JAKMIP2: variants seen among roughly 807,000 people sequenced by gnomAD.
JAKMIP2 encodes janus kinase and microtubule-interacting protein 2.
JAKMIP2 carries 25 observed loss-of-function variants against 115.0 expected under a neutral mutation model. The observed-to-expected ratio is 0.22, with a 90% CI of 0.16 to 0.30. JAKMIP2 has a LOEUF of 0.30. Among genes scored for constraint, JAKMIP2 ranks in the 10% least tolerant of loss-of-function variants. The pLI is 1.00. For missense variants in JAKMIP2, 642 were observed against 957.6 expected, an observed-to-expected ratio of 0.67 and a Z score of 4.35; for synonymous variants, 334 against 343.6, an observed-to-expected ratio of 0.97 and a Z score of 0.31.
At chr5:147,655,479 T>C (rs972653163) in intron 3 of JAKMIP2, among the ~76,000 whole-genome samples, 1 of 152,224 alleles carries the variant, frequency 6.6e-6, no homozygotes, top group Non-Finnish European at 1.5e-5. Context: ...TTTTCTAGTT[T>C]ATTTGTGTAG....
intron 1 of JAKMIP2, among the ~76,000 whole-genome samples, chr5:147,748,059 C>G (rs1276121881): frequency 6.6e-6 from 1 of 152,130 alleles, no homozygotes; most frequent in Non-Finnish European, 1.5e-5. Flanking sequence ...ATTCCGAGCA[C>G]TCTGCTAAAG....
intron 1 of JAKMIP2, among the ~76,000 whole-genome samples, chr5:147,680,198 A>C (rs1489400642): frequency 6.6e-6 from 1 of 152,210 alleles, no homozygotes; most frequent in Admixed American, 6.5e-5. Context: ...TGACCTAACT[A>C]TCCACTAAAC....
intron 1 of JAKMIP2, among the ~76,000 whole-genome samples, chr5:147,713,698 C>T (rs1752865386): frequency 6.6e-6 from 1 of 152,152 alleles, no homozygotes; most frequent in African/African-American, 2.4e-5. Flanking sequence ...ACATAGAGCA[C>T]TCAGGGACTT....
chr5:147,592,461 G>A (rs923477020), intron 21 of JAKMIP2, among the ~76,000 whole-genome samples: 4 of 152,148 alleles, frequency 2.6e-5, no homozygotes, highest in African/African-American at 4.8e-5. Flanking sequence ...AGGACTCCTA[G>A]CCCTGTTCCT....
intron 2 of JAKMIP2, chr5:147,662,056 T>C (rs1236945357): frequency 1.3e-5 from 2 of 151,600 alleles, no homozygotes; most frequent in Non-Finnish European, 1.5e-5. Flanking sequence ...TTTTTTTTTT[T>C]TGAAGAGATG....
At chr5:147,723,210 C>CA (rs553407093) in intron 1 of JAKMIP2, among the ~76,000 whole-genome samples, 6 of 152,002 alleles carry the variant, frequency 3.9e-5, no homozygotes, top group African/African-American at 7.2e-5. Flanking sequence ...TTATCAGATA[C>CA]AAAAAAATCT....
intron 1 of JAKMIP2, among the ~76,000 whole-genome samples, chr5:147,698,342 A>T (rs1173534410): frequency 6.6e-6 from 1 of 152,192 alleles, no homozygotes; most frequent in East Asian, 1.9e-4. Context: ...GCCTTGTCTC[A>T]GATGAGACTT....
At chr5:147,700,681 C>T (rs969808581) in intron 1 of JAKMIP2, among the ~76,000 whole-genome samples, 10 of 152,298 alleles carry the variant, frequency 6.6e-5, no homozygotes, top group African/African-American at 2.4e-4. Context: ...AGTCTAGATT[C>T]TCAGCCCCTA....
chr5:147,782,445 T>C lies in JAKMIP2; in HGVS notation c.-149+11A>G. The stretch of plus-strand genomic sequence containing the variant: ...TAAACCAAGAAGGGAGCCCTACTGT[T>C]TCCTACTCACCATGCTGAGACCCGG... On this transcript the variant is annotated intron_variant, in intron 1 of 21. Transcript: ENST00000616793. The C allele has an allele frequency of 6.5e-7, 1 of 1,535,918 alleles. No homozygotes were observed. Among genetic ancestry groups the C allele is most frequent in the Non-Finnish European group, 8.7e-7 (1 of 1,146,764 alleles).
At chr5:147,745,145 A>G (rs1417771514) in intron 1 of JAKMIP2, among the ~76,000 whole-genome samples, 2 of 151,994 alleles carry the variant, frequency 1.3e-5, no homozygotes, top group Non-Finnish European at 2.9e-5. Context: ...CTTGAACACT[A>G]GAACCTAAGG....
chr5:147,658,783 G>T (rs1274189791), intron 3 of JAKMIP2, among the ~76,000 whole-genome samples: 1 of 152,100 alleles, frequency 6.6e-6, no homozygotes, highest in African/African-American at 2.4e-5. Context: ...CTGTGCTGTG[G>T]TGAATTCGGC....
intron 14 of JAKMIP2, 150 bp downstream of exon 14, chr5:147,631,263 T>G: frequency 1.9e-6 from 1 of 530,764 alleles, no homozygotes; most frequent in South Asian, 3.1e-5. Context: ...AATTTTCTAG[T>G]AGAAGTGACT....
chr5:147,725,538 G>C (rs147083006), intron 1 of JAKMIP2, among the ~76,000 whole-genome samples: 197 of 152,268 alleles, frequency 1.3e-3, no homozygotes, highest in Admixed American at 2.0e-3. Context: ...GGAGATCCCT[G>C]ACCCAAAGGA....
intron 21 of JAKMIP2, among the ~76,000 whole-genome samples, chr5:147,597,708 C>A (rs546005371): frequency 6.6e-6 from 1 of 152,248 alleles, no homozygotes; most frequent in South Asian, 2.1e-4. Flanking sequence ...TTTTTCTTTC[C>A]TTTGTCTCCC....
chr5:147,748,488 C>T (rs1021599681), intron 1 of JAKMIP2, among the ~76,000 whole-genome samples: 1 of 149,302 alleles, frequency 6.7e-6, no homozygotes, highest in African/African-American at 2.5e-5. Context: ...CAAATCATTT[C>T]TTTTCTAACA....
In JAKMIP2 at chr5:147,671,412, A is replaced by G. The variant is rs566266189; in HGVS notation, c.129+266T>C. Reference sequence around the variant, plus strand: ...TGGCGGTGGTAAGGGACACTGTCTGAATTTTCATATCTGGCTTCCTGAACC... The same window carrying G: ...TGGCGGTGGTAAGGGACACTGTCTGGATTTTCATATCTGGCTTCCTGAACC... On this transcript the variant is annotated intron_variant, in intron 2 of 21. Transcript: ENST00000616793. Among the ~76,000 whole-genome samples, 5 of 152,318 alleles carry G rather than the reference A, an allele frequency of 3.3e-5. No individual in the cohort carries two copies. The East Asian group carries it at 9.7e-4, about 29-fold the overall frequency.
chr5:147,621,068 T>C (rs80119125), intron 17 of JAKMIP2, among the ~76,000 whole-genome samples: 2,354 of 152,340 alleles, frequency 0.015, 69 homozygotes, highest in African/African-American at 0.053. Context: ...AGTATTATGA[T>C]AATATATTTT....
intron 1 of JAKMIP2, among the ~76,000 whole-genome samples, chr5:147,694,892 A>G (rs909669184): frequency 2.6e-5 from 4 of 152,216 alleles, no homozygotes; most frequent in Non-Finnish European, 4.4e-5. Context: ...GTATGCACAT[A>G]TGGGCTCAGA....
chr5:147,779,800 T>C (rs1755691366), intron 1 of JAKMIP2, among the ~76,000 whole-genome samples: 2 of 152,156 alleles, frequency 1.3e-5, no homozygotes, highest in African/African-American at 4.8e-5. Context: ...AGAGAAGTTC[T>C]TGAGAAGGAA....
Sources: gnomAD v4.1 joint callset for allele counts (sites outside exome capture counted in the v4.1 genomes callset) on GRCh38, gnomAD v4.1.1 for gene constraint, MANE v1.5 for transcripts, NCBI Gene and HGNC (gene_info 2026-07-23, HGNC 2026-07-21) for gene names.